Variants in DCDC1 observed in about 807,000 individuals in gnomAD.
DCDC1 encodes doublecortin domain-containing protein 1.
Under a neutral mutation model 178.3 loss-of-function variants are expected in DCDC1, and 200 were observed. The observed-to-expected ratio is 1.12, with a 90% CI of 1.00 to 1.26. The LOEUF (loss-of-function observed/expected upper bound fraction) is 1.26. Among genes scored for constraint, DCDC1 ranks in the 50% most tolerant of loss-of-function variants. DCDC1 has a pLI of 0.00. For missense variants in DCDC1, 1,983 were observed against 1,749.2 expected (o/e 1.13, Z -2.38); for synonymous variants, 690 against 604.8 (o/e 1.14, Z -2.07).
At chr11:31,022,654 T>G (rs943508377) in intron 20 of DCDC1, among the ~76,000 whole-genome samples, 8 of 148,930 alleles carry the variant, frequency 5.4e-5, no homozygotes, top group Non-Finnish European at 1.2e-4. Flanking sequence ...TGTGTGTGTG[T>G]GTGTGTGTGT....
intron 3 of DCDC1, among the ~76,000 whole-genome samples, chr11:31,309,365 A>G (rs1948638736): frequency 6.6e-6 from 1 of 152,196 alleles, no homozygotes; most frequent in Non-Finnish European, 1.5e-5. Context: ...ACGCCTTGAA[A>G]GGGTCTTTGG....
chr11:30,969,201 T>C (rs1949641815), intron 20 of DCDC1, among the ~76,000 whole-genome samples: 1 of 152,160 alleles, frequency 6.6e-6, no homozygotes, highest in African/African-American at 2.4e-5. Context: ...TTAAACTTTG[T>C]GGGTATGATT....
intron 9 of DCDC1, among the ~76,000 whole-genome samples, chr11:31,176,587 C>T (rs1968059511): frequency 1.3e-5 from 2 of 152,070 alleles, no homozygotes; most frequent in South Asian, 4.1e-4. Context: ...AGATCCTCTG[C>T]CAGGCACATT....
intron 10 of DCDC1, among the ~76,000 whole-genome samples, chr11:31,128,807 A>C (rs1962012642): frequency 6.6e-6 from 1 of 152,128 alleles, no homozygotes; most frequent in Admixed American, 6.5e-5. Context: ...TGGCCAATGT[A>C]CTGGTATATT....
chr11:31,262,979 G>T, intron 8 of DCDC1: 1 of 1,525,746 alleles, frequency 6.6e-7, no homozygotes, highest in Non-Finnish European at 8.9e-7. Context: ...ATTAAAATGT[G>T]ATAATAGCAC....
chr11:31,032,247 A>G (rs981157874), intron 20 of DCDC1, among the ~76,000 whole-genome samples: 9 of 152,146 alleles, frequency 5.9e-5, no homozygotes, highest in Non-Finnish European at 1.5e-5. Flanking sequence ...CAGATTAATG[A>G]CTCAGAAATC....
At chr11:31,144,263 T>C (rs986587171) in intron 9 of DCDC1, among the ~76,000 whole-genome samples, 1 of 152,080 alleles carries the variant, frequency 6.6e-6, no homozygotes, top group Admixed American at 6.5e-5. Flanking sequence ...GCCTCCCTAG[T>C]AGCTGGGACT....
intron 20 of DCDC1, among the ~76,000 whole-genome samples, chr11:30,965,660 T>C (rs952159658): frequency 4.7e-5 from 7 of 149,804 alleles, no homozygotes; most frequent in African/African-American, 1.7e-4. Flanking sequence ...TGCAGGTTAG[T>C]TACATATGTA....
At chr11:31,186,057 G>A (rs1234542178) in intron 9 of DCDC1, among the ~76,000 whole-genome samples, 1 of 152,104 alleles carries the variant, frequency 6.6e-6, no homozygotes, top group African/African-American at 2.4e-5. Context: ...CCCCAGAAGA[G>A]CCAGGGAGAC....
intron 11 of DCDC1, among the ~76,000 whole-genome samples, chr11:31,126,307 T>C (rs1961608686): frequency 6.6e-6 from 1 of 152,172 alleles, no homozygotes; most frequent in African/African-American, 2.4e-5. Context: ...GTCAAAAACC[T>C]GGAAAAGAAC....
At chr11:31,184,716 G>C (rs1969262396) in intron 9 of DCDC1, among the ~76,000 whole-genome samples, 1 of 152,184 alleles carries the variant, frequency 6.6e-6, no homozygotes, top group Non-Finnish European at 1.5e-5. Flanking sequence ...ACCACAATGA[G>C]ATACCATCTC....
chr11:30,932,108 AT>A (rs1445595075), intron 21 of DCDC1, among the ~76,000 whole-genome samples, 156 bp from the exon 22 acceptor site: 1 of 152,200 alleles, frequency 6.6e-6, no homozygotes, highest in African/African-American at 2.4e-5. Flanking sequence ...ATTCTAATTA[AT>A]GTTTTATTTG....
At chr11:31,366,831 T>C (rs1183207616) in intron 1 of DCDC1, among the ~76,000 whole-genome samples, 1 of 152,126 alleles carries the variant, frequency 6.6e-6, no homozygotes, top group African/African-American at 2.4e-5. Context: ...AGGGAAGAAA[T>C]GTTAACTACG....
At chr11:31,040,466 G>A (rs1011369313) in intron 20 of DCDC1, among the ~76,000 whole-genome samples, 3 of 152,148 alleles carry the variant, frequency 2.0e-5, no homozygotes, top group Admixed American at 1.3e-4. Context: ...CGCTGTTATA[G>A]TTAAAAGAAG....
intron 2 of DCDC1, among the ~76,000 whole-genome samples, chr11:31,329,894 T>C (rs948214408): frequency 2.6e-4 from 39 of 152,216 alleles, no homozygotes; most frequent in African/African-American, 9.2e-4. Context: ...GCATGATTTA[T>C]AATCCTTTGG....
chr11:31,367,919 C>T (rs1952046328), intron 1 of DCDC1, among the ~76,000 whole-genome samples: 1 of 151,820 alleles, frequency 6.6e-6, no homozygotes, highest in Non-Finnish European at 1.5e-5. Context: ...AAGCCAATGG[C>T]AAGTAAAGAA....
intron 9 of DCDC1, among the ~76,000 whole-genome samples, chr11:31,181,505 C>A (rs1427438425): frequency 2.0e-5 from 3 of 152,206 alleles, no homozygotes; most frequent in East Asian, 3.9e-4. Context: ...TGGGACGAAA[C>A]TTCCAGAAGA....
intron 17 of DCDC1, among the ~76,000 whole-genome samples, chr11:31,086,855 G>A (rs1042950665): frequency 3.3e-5 from 5 of 152,078 alleles, no homozygotes; most frequent in African/African-American, 4.8e-5. Flanking sequence ...ACTGGTCTAT[G>A]ATTTTTTCCC....
chr11:31,367,534 G>T (rs1488599420), intron 1 of DCDC1, among the ~76,000 whole-genome samples: 1 of 152,162 alleles, frequency 6.6e-6, no homozygotes, highest in Non-Finnish European at 1.5e-5. Flanking sequence ...ATATTGAAGA[G>T]GTAACTTGAA....
Sources: allele counts gnomAD v4.1 joint callset (sites outside exome capture counted in the v4.1 genomes callset), GRCh38; gene constraint gnomAD v4.1.1; transcripts MANE v1.5; gene names NCBI Gene and HGNC (gene_info 2026-07-23, HGNC 2026-07-21).